ZSWIM5: variants seen among roughly 807,000 people sequenced by gnomAD.
The protein encoded by ZSWIM5 is zinc finger SWIM domain-containing protein 5.
ZSWIM5 carries 55 observed loss-of-function variants against 119.6 expected under a neutral mutation model. The ratio of observed to expected loss-of-function variants is 0.46; its 90% CI spans 0.37 to 0.58. ZSWIM5 has a LOEUF of 0.58. Among genes scored for constraint, ZSWIM5 ranks in the 20% least tolerant of loss-of-function variants. The pLI, the probability that ZSWIM5 is intolerant of heterozygous loss-of-function variation, is 0.00. For synonymous variants in ZSWIM5, 537 were observed against 606.9 expected (o/e 0.88, Z 1.69); for missense variants, 1,193 against 1,512.8 (o/e 0.79, Z 3.51).
intron 7 of ZSWIM5, among the ~76,000 whole-genome samples, chr1:45,039,706 A>G (rs1474613768): frequency 1.3e-5 from 2 of 149,474 alleles, no homozygotes; most frequent in East Asian, 4.0e-4. Flanking sequence ...ATTTAATTTA[A>G]TTAATTATTT....
At chr1:45,048,994 GGTGGCTTGCGCCTGTA>G (rs139744507) in intron 5 of ZSWIM5, among the ~76,000 whole-genome samples, 2,818 of 152,278 alleles carry the variant, frequency 0.019, 92 homozygotes, top group African/African-American at 0.065. Flanking sequence ...GGCTGTGAGT[GGTGGCTTGCGCCTGTA>G]GTCCCAACTA....
At chr1:45,100,882 C>G (rs1645435870) in intron 1 of ZSWIM5, among the ~76,000 whole-genome samples, 3 of 152,128 alleles carry the variant, frequency 2.0e-5, no homozygotes, top group Admixed American at 2.0e-4. Context: ...TTCCTTATAC[C>G]TTATACAAAA....
At chr1:45,129,604 T>C (rs988724724) in intron 1 of ZSWIM5, among the ~76,000 whole-genome samples, 5 of 152,188 alleles carry the variant, frequency 3.3e-5, no homozygotes, top group African/African-American at 1.2e-4. Flanking sequence ...CTTTCATATA[T>C]TTACCTGCTT....
intron 1 of ZSWIM5, among the ~76,000 whole-genome samples, chr1:45,177,072 G>A (rs902887723): frequency 1.3e-5 from 2 of 152,020 alleles, no homozygotes; most frequent in Admixed American, 1.3e-4. Context: ...GAATGATTAA[G>A]GATTCAGGAA....
At chr1:45,161,660 AT>A (rs1330830484) in intron 1 of ZSWIM5, among the ~76,000 whole-genome samples, 1 of 152,132 alleles carries the variant, frequency 6.6e-6, no homozygotes, top group East Asian at 1.9e-4. Context: ...ACTTTTCCCT[AT>A]TGTAGTTATA....
rs1394952680 is a variant in ZSWIM5 at position 45,019,215 on chromosome 1, T to C, written c.2797A>G (p.Ile933Val). 1.2e-6 allele frequency: 2 copies of C among 1,613,556 alleles called. No homozygotes were observed. The highest frequency in any genetic ancestry group is 2.2e-5 in the South Asian group (2 of 91,050). The change falls in exon 14 of 14, where the codon ATC (isoleucine) becomes GTC (valine). Residue 933 changes from isoleucine to valine, a missense_variant. Physicochemically the swap from Ile to Val is conservative, Grantham distance 29 (BLOSUM62 3). Transcript: ENST00000359600. The surrounding 1 kb of genome is among the most constrained non-coding windows in gnomAD (Gnocchi z 5.0). ...GGATAGTCAAGACTGAGGCGCAGGA[T>C]AGTGGTGTGGGATACGGCTGTGGCA... ...VAATAVSHTT[I>V]LRLSLDYPQR...
At chr1:45,141,829 T>C (rs1275980587) in intron 1 of ZSWIM5, among the ~76,000 whole-genome samples, 1 of 152,170 alleles carries the variant, frequency 6.6e-6, no homozygotes, top group African/African-American at 2.4e-5. Context: ...TAAAAGGGTC[T>C]GGCAGTAATC....
At chr1:45,149,184 AG>A (rs1645780520) in intron 1 of ZSWIM5, among the ~76,000 whole-genome samples, 1 of 152,070 alleles carries the variant, frequency 6.6e-6, no homozygotes, top group Non-Finnish European at 1.5e-5. Context: ...GGGCTGCTTG[AG>A]TCTAGGAGTT....
chr1:45,196,384 CTTT>C (rs767673983), intron 1 of ZSWIM5, among the ~76,000 whole-genome samples: 2 of 76,356 alleles, frequency 2.6e-5, no homozygotes, highest in South Asian at 6.1e-4. Context: ...CCCACAATTC[CTTT>C]TTTTTTTTTT....
chr1:45,147,334 C>T (rs551904384), intron 1 of ZSWIM5, among the ~76,000 whole-genome samples: 13 of 152,044 alleles, frequency 8.6e-5, no homozygotes, highest in African/African-American at 2.6e-4. Flanking sequence ...TAAACTTCTA[C>T]GTAGATACTA....
chr1:45,077,099 C>T (rs1645260174), intron 2 of ZSWIM5, among the ~76,000 whole-genome samples: 1 of 152,058 alleles, frequency 6.6e-6, no homozygotes, highest in Non-Finnish European at 1.5e-5. Flanking sequence ...AGGATTGGTT[C>T]CTGGTACCTT....
intron 1 of ZSWIM5, among the ~76,000 whole-genome samples, chr1:45,189,441 A>G (rs1646078105): frequency 6.6e-6 from 1 of 152,120 alleles, no homozygotes; most frequent in Non-Finnish European, 1.5e-5. Context: ...CATATTCAAC[A>G]ATACTATATT....
At chr1:45,200,129 A>C (rs1038701152) in intron 1 of ZSWIM5, among the ~76,000 whole-genome samples, 2 of 152,226 alleles carry the variant, frequency 1.3e-5, no homozygotes, top group South Asian at 2.1e-4. Flanking sequence ...GTACTCATTC[A>C]TTCAATAAAC....
chr1:45,115,309 TG>T (rs1645546124), intron 1 of ZSWIM5, among the ~76,000 whole-genome samples: 1 of 151,160 alleles, frequency 6.6e-6, no homozygotes, highest in Non-Finnish European at 1.5e-5. Flanking sequence ...ATGGGGCGGC[TG>T]GCCGGGTGGA....
At chr1:45,122,228 A>G (rs1225748723) in intron 1 of ZSWIM5, among the ~76,000 whole-genome samples, 1 of 152,222 alleles carries the variant, frequency 6.6e-6, no homozygotes, top group African/African-American at 2.4e-5. Flanking sequence ...CTCAACAGCT[A>G]TATGTCTTGA....
At chr1:45,196,612 G>A (rs527724368) in intron 1 of ZSWIM5, among the ~76,000 whole-genome samples, 2 of 148,652 alleles carry the variant, frequency 1.3e-5, no homozygotes, top group African/African-American at 2.5e-5. Flanking sequence ...GGATGGTCTC[G>A]AGCTCCTGAC....
chr1:45,092,059 T>C (rs536608575), intron 1 of ZSWIM5, among the ~76,000 whole-genome samples: 69 of 152,350 alleles, frequency 4.5e-4, no homozygotes, highest in African/African-American at 1.7e-3. Context: ...AGATACATTA[T>C]GGTTCTATAG....
intron 1 of ZSWIM5, among the ~76,000 whole-genome samples, chr1:45,128,239 G>C (rs1053317888): frequency 1.3e-5 from 2 of 152,022 alleles, no homozygotes; most frequent in African/African-American, 4.8e-5. Context: ...TTCTTTCTTT[G>C]ACACTGTCTT....
chr1:45,182,804 CT>C (rs1288725506), intron 1 of ZSWIM5, among the ~76,000 whole-genome samples: 1 of 152,136 alleles, frequency 6.6e-6, no homozygotes. Flanking sequence ...ATAAGGGAGA[CT>C]TTAACACCCC....
Sources: allele counts gnomAD v4.1 joint callset (sites outside exome capture counted in the v4.1 genomes callset), GRCh38; gene constraint gnomAD v4.1.1; non-coding constraint Gnocchi (gnomAD v3.1); transcripts MANE v1.5; gene names NCBI Gene and HGNC (gene_info 2026-07-23, HGNC 2026-07-21).